The following MYRIP variants were observed in gnomAD, a reference collection of about 807,000 sequenced individuals.
The protein encoded by MYRIP is myosin VIIA and Rab interacting protein.
A neutral mutation model predicts 98.0 loss-of-function variants in MYRIP; 49 were observed. The observed-to-expected ratio is 0.50, with a 90% CI of 0.40 to 0.63. MYRIP has a LOEUF of 0.63. Among genes scored for constraint, MYRIP ranks in the 30% least tolerant of loss-of-function variants. The probability of loss-of-function intolerance (pLI) is 0.00; values close to 1 mark genes in which losing one functional copy is unlikely to be tolerated. For missense variants in MYRIP, 1,004 were observed against 1,058.2 expected, an observed-to-expected ratio of 0.95 and a Z score of 0.71; for synonymous variants, 404 against 409.5, an observed-to-expected ratio of 0.99 and a Z score of 0.16.
intron 1 of MYRIP, among the ~76,000 whole-genome samples, chr3:39,890,026 TCTCTA>T (rs1172192593): frequency 1.3e-5 from 2 of 152,166 alleles, no homozygotes; most frequent in Non-Finnish European, 2.9e-5. Context: ...GACTCATTCT[TCTCTA>T]CTCCTCCCAG....
At chr3:39,813,106 T>G (rs904664679) in intron 1 of MYRIP, among the ~76,000 whole-genome samples, 5 of 152,178 alleles carry the variant, frequency 3.3e-5, no homozygotes, top group Non-Finnish European at 7.3e-5. Flanking sequence ...TACCCCAGAA[T>G]CTCTTCAGAG....
chr3:40,068,751 T>C (rs1480637192), intron 3 of MYRIP, among the ~76,000 whole-genome samples: 1 of 152,198 alleles, frequency 6.6e-6, no homozygotes, highest in Non-Finnish European at 1.5e-5. Flanking sequence ...CATCCCTGGC[T>C]TCAGTTCTAA....
intron 11 of MYRIP, among the ~76,000 whole-genome samples, chr3:40,217,336 T>C (rs912825044): frequency 1.1e-4 from 17 of 152,266 alleles, no homozygotes; most frequent in African/African-American, 3.4e-4. Flanking sequence ...TCTCAACATA[T>C]TGGCAAATTG....
chr3:39,951,216 C>G (rs79754719), intron 2 of MYRIP, among the ~76,000 whole-genome samples: 5,552 of 152,152 alleles, frequency 0.036, 339 homozygotes, highest in African/African-American at 0.13. Context: ...ACTCAAACCC[C>G]CCTGGCTTTA....
chr3:39,946,158 C>A (rs1462492726), intron 2 of MYRIP, among the ~76,000 whole-genome samples: 1 of 151,824 alleles, frequency 6.6e-6, no homozygotes, highest in Admixed American at 6.6e-5. Context: ...GCATATTGTC[C>A]CAGTAAATAT....
rs181048289 is a variant in MYRIP at position 40,259,156 on chromosome 3, T to C, written c.*990T>C. The C allele has an allele frequency of 3.3e-5, 5 of 152,230 alleles. No individual in the cohort carries two copies. Among genetic ancestry groups the C allele is most frequent in the Non-Finnish European group, 7.4e-5 (5 of 68,022 alleles). 9.4% of individuals were successfully genotyped at this position (152,230 alleles called of 1,614,324 possible). ...ATGATTAGGGAATAGCCTTAGAAAA[T>C]TTATAGGTATAAAAAATTCAAGGAC... is the stretch of plus-strand genomic sequence containing the variant. On this transcript the variant is annotated 3_prime_UTR_variant, in exon 17 of 17. Coordinates refer to ENST00000302541, the MANE Select transcript of MYRIP (RefSeq NM_015460.4).
chr3:40,076,835 C>CA (rs1182167433), intron 3 of MYRIP, among the ~76,000 whole-genome samples: 2 of 152,156 alleles, frequency 1.3e-5, no homozygotes, highest in Non-Finnish European at 2.9e-5. Flanking sequence ...CCCTCCCACG[C>CA]AAAAAATTAC....
Position 39,900,908 on chromosome 3 carries a change from A to C in MYRIP, c.92A>C (p.Lys31Thr), listed in dbSNP as rs1258365079. Residue 31 changes from lysine (K) to threonine (T), a missense_variant, in exon 2 of 17, where the codon AAA (lysine) becomes ACA (threonine). Lys to Thr is a moderately conservative substitution (Grantham distance 78, BLOSUM62 -1). This residue lies in a region of MYRIP where 880 missense variants were observed against 907.7 expected (regional missense o/e 0.97). Transcript: ENST00000302541. The stretch of plus-strand genomic sequence containing the variant: ...CAAAGAGACTTCAATCTTCGCAAAA[A>C]AGAAGAAGAACGACTAAGGTGAGAT... ...VVQRDFNLRK[K>T]EEERLSELKQ... 6.2e-7 allele frequency: 1 copy of C among 1,612,640 alleles called. No homozygotes were observed. The highest frequency in any genetic ancestry group is 8.5e-7 in the Non-Finnish European group (1 of 1,179,400).
intron 2 of MYRIP, among the ~76,000 whole-genome samples, chr3:39,959,130 G>A (rs557628127): frequency 6.6e-6 from 1 of 152,148 alleles, no homozygotes; most frequent in African/African-American, 2.4e-5. Flanking sequence ...GATTCCTCAA[G>A]GACCTAGAAC....
chr3:39,875,059 T>C (rs1253492196), intron 1 of MYRIP, among the ~76,000 whole-genome samples: 1 of 152,202 alleles, frequency 6.6e-6, no homozygotes, highest in Non-Finnish European at 1.5e-5. Context: ...TTCTTCCTGG[T>C]TTAGTCTTGG....
intron 2 of MYRIP, among the ~76,000 whole-genome samples, chr3:39,952,043 A>G (rs956428664): frequency 1.3e-5 from 2 of 152,114 alleles, no homozygotes; most frequent in South Asian, 4.1e-4. Flanking sequence ...CCTTTGGACC[A>G]TTTGCATTCA....
At chr3:40,232,815 C>T (rs1314581437) in intron 11 of MYRIP, 1 of 152,194 alleles carries the variant, frequency 6.6e-6, no homozygotes, top group Non-Finnish European at 1.5e-5. Flanking sequence ...AACATAAAAG[C>T]TGGAAGTGAC....
At chr3:40,010,041 A>G (rs1326543850) in intron 2 of MYRIP, among the ~76,000 whole-genome samples, 2 of 152,224 alleles carry the variant, frequency 1.3e-5, no homozygotes, top group Non-Finnish European at 2.9e-5. Flanking sequence ...CTCAGAAGAA[A>G]GGACAGTGAA....
At chr3:39,988,000 G>T (rs191938773) in intron 2 of MYRIP, among the ~76,000 whole-genome samples, 112 of 152,278 alleles carry the variant, frequency 7.4e-4, no homozygotes, top group Admixed American at 1.8e-3. Context: ...ATGAGTTCAT[G>T]TCCTTTTTAG....
chr3:39,976,910 T>C (rs1238709755), intron 2 of MYRIP, among the ~76,000 whole-genome samples: 1 of 150,282 alleles, frequency 6.7e-6, no homozygotes, highest in Non-Finnish European at 1.5e-5. Context: ...AGGAGGGGAG[T>C]GGGGAGGGAT....
intron 2 of MYRIP, among the ~76,000 whole-genome samples, chr3:40,028,018 C>T (rs1020058597): frequency 6.6e-6 from 1 of 152,108 alleles, no homozygotes; most frequent in African/African-American, 2.4e-5. Context: ...CAAAATTACC[C>T]TCTCTTTGGT....
intron 2 of MYRIP, among the ~76,000 whole-genome samples, chr3:39,995,906 C>T (rs1012192635): frequency 2.6e-5 from 4 of 152,112 alleles, no homozygotes; most frequent in Non-Finnish European, 4.4e-5. Context: ...GAATTTTCAA[C>T]CCAGAATTTC....
chr3:40,113,578 G>A (rs540614328), intron 3 of MYRIP, among the ~76,000 whole-genome samples: 2 of 152,346 alleles, frequency 1.3e-5, no homozygotes, highest in African/African-American at 2.4e-5. Context: ...AAACAACAAA[G>A]TTAAGTCCCA....
rs769986510 is a variant in MYRIP at position 40,044,135 on chromosome 3, C to T, written c.196C>T (p.Arg66Cys). Residue 66 changes from arginine to cysteine, a missense_variant, in exon 3 of 17, where the codon CGC (arginine) becomes TGC (cysteine). Around this residue, in one of 3 missense-constraint regions of MYRIP, gnomAD observed 880 missense variants for 907.7 expected, o/e 0.97. Transcript: ENST00000302541. ...HQQFVEHCCM[R>C]CCSPFTFLVN... ...GCAGTTTGTGGAGCACTGCTGCATG[C>T]GCTGCTGCTCGCCCTTCACCTTCCT... The T allele has an allele frequency of 5.8e-5, 93 of 1,614,038 alleles. No homozygotes were observed. Among genetic ancestry groups the T allele is most frequent in the East Asian group, 1.3e-4 (6 of 44,858 alleles).
Sources: allele counts gnomAD v4.1 joint callset (sites outside exome capture counted in the v4.1 genomes callset), GRCh38; gene constraint gnomAD v4.1.1; regional missense constraint gnomAD v4.1.1; transcripts MANE v1.5; gene names NCBI Gene and HGNC (gene_info 2026-07-23, HGNC 2026-07-21).